Variants in TNNT2 observed in about 807,000 individuals in gnomAD.
TNNT2 encodes the protein troponin T, cardiac muscle.
Under a neutral mutation model 62.4 loss-of-function variants are expected in TNNT2, and 34 were observed. The observed-to-expected ratio is 0.54, with a 90% CI of 0.41 to 0.72. The LOEUF (loss-of-function observed/expected upper bound fraction) is 0.72, where lower values mean the gene tolerates loss of function less well. Among genes scored for constraint, TNNT2 ranks in the 30% least tolerant of loss-of-function variants. TNNT2 has a pLI of 0.00. For missense variants in TNNT2, 275 were observed against 381.9 expected, an observed-to-expected ratio of 0.72 and a Z score of 2.33; for synonymous variants, 123 against 127.2, an observed-to-expected ratio of 0.97 and a Z score of 0.22.
At chr1:201,373,325 A>G in intron 1 of TNNT2, 57 bp from the exon 2 acceptor site, 1 of 1,494,462 alleles carries the variant, frequency 6.7e-7, no homozygotes, top group Non-Finnish European at 9.3e-7. Flanking sequence ...CTTCCTCAGA[A>G]GAGCTCTGGC....
intron 4 of TNNT2, among the ~76,000 whole-genome samples, chr1:201,371,506 T>C (rs1375155034): frequency 1.3e-5 from 2 of 152,260 alleles, no homozygotes; most frequent in South Asian, 2.1e-4. Flanking sequence ...CATGGCATTG[T>C]GGTTATGGTT....
At chr1:201,367,019 A>G (rs1659785812) in intron 7 of TNNT2, 148 bp from the exon 8 acceptor site, 1 of 1,345,194 alleles carries the variant, frequency 7.4e-7, no homozygotes, top group South Asian at 1.2e-5. Flanking sequence ...TGATTCCAGA[A>G]GCATCCAGGA....
At chr1:201,368,136 C>T in intron 6 of TNNT2, 26 bp downstream of exon 6, 1 of 1,613,158 alleles carries the variant, frequency 6.2e-7, no homozygotes, top group Middle Eastern at 1.7e-4. Flanking sequence ...CCCCTGAGGC[C>T]CCTGCACCCT....
chr1:201,359,761 G>A (rs1658260618), intron 15 of TNNT2, 98 bp from the exon 16 acceptor site: 1 of 1,033,928 alleles, frequency 9.7e-7, no homozygotes, highest in South Asian at 1.4e-5. Flanking sequence ...GAGTGCAGCA[G>A]TGCAGGAGGA....
Position 201,368,708 on chromosome 1 carries a change from T to A in TNNT2, c.98-481A>T, listed in dbSNP as rs3820431. Among the ~76,000 whole-genome samples, 72 of 152,358 alleles carry A rather than the reference T, an allele frequency of 4.7e-4. No individual in the cohort carries two copies. The East Asian group carries it at 0.011, about 22-fold the overall frequency. Reference sequence around the variant, plus strand: ...ATTTTTCTATTTTCATCTATTTGTTTGGCAGGATGTGGCCCCCATCTCACT... The same window carrying A: ...ATTTTTCTATTTTCATCTATTTGTTAGGCAGGATGTGGCCCCCATCTCACT... On this transcript the variant is annotated intron_variant, in intron 5 of 16. Transcript: ENST00000656932.
At chr1:201,374,442 A>T (rs1445163064) in intron 1 of TNNT2, 1 of 152,234 alleles carries the variant, frequency 6.6e-6, no homozygotes. Flanking sequence ...AAGTGTACAC[A>T]TCCTGGCTAC....
intron 5 of TNNT2, chr1:201,368,561 C>A: frequency 2.1e-6 from 1 of 466,166 alleles, no homozygotes. Flanking sequence ...AAGCTCCTGT[C>A]CTGAACCTAG....
At chr1:201,360,947 G>A (rs1039615190) in intron 15 of TNNT2, 53 of 402,698 alleles carry the variant, frequency 1.3e-4, no homozygotes, top group Non-Finnish European at 2.3e-4. Context: ...CCCTTCCACT[G>A]GGGGTCCTGG....
Position 201,365,197 on chromosome 1 carries a change from G to A in TNNT2, c.405C>T (p.Asp135=), listed in dbSNP as rs1161852405. 13 of 1,613,398 alleles carry A rather than the reference G, an allele frequency of 8.1e-6. No individual in the cohort carries two copies. In the African/African-American group the frequency reaches 1.2e-4, roughly 15 times the overall value. Residue 135 remains aspartate, a synonymous_variant, in exon 10 of 17, where the codon GAC becomes GAT. Coordinates refer to ENST00000656932, the MANE Select transcript of TNNT2 (RefSeq NM_001276345.2). ...GGGCAGACTGGACACCTACGATCCT[G>A]TCTTTGAGAGAAACGAGCTCCTCCT... is the stretch of plus-strand genomic sequence containing the variant. ...KEEEELVSLK[D]RIERRRAERA...
At chr1:201,377,021 CG>C (rs1460541106) in intron 1 of TNNT2, among the ~76,000 whole-genome samples, 3 of 152,200 alleles carry the variant, frequency 2.0e-5, no homozygotes, top group Non-Finnish European at 4.4e-5. Flanking sequence ...ATGGAATTCC[CG>C]CGTTGGCCTG....
rs144258065 is a variant in TNNT2 at position 201,360,924 on chromosome 1, G to A, written c.810+355C>T. The A allele has an allele frequency of 9.4e-4, 358 of 380,988 alleles. 2 individuals are homozygous for A. The highest frequency in any genetic ancestry group is 7.0e-3 in the African/African-American group (336 of 48,086). 23.6% of individuals were successfully genotyped at this position (380,988 alleles called of 1,614,324 possible). A position where few individuals can be genotyped will look rare whatever the true frequency, so the allele number is the denominator to read the frequency against. On this transcript the variant is annotated intron_variant, in intron 15 of 16. Coordinates refer to ENST00000656932, the MANE Select transcript of TNNT2 (RefSeq NM_001276345.2). ...TGTATGTGGGGAGAAGCACCTCTCTGTTGGCAGCACTCCCCTTCCACTGGG... is the reference window on the plus strand; with the variant it reads ...TGTATGTGGGGAGAAGCACCTCTCTATTGGCAGCACTCCCCTTCCACTGGG...
At chr1:201,369,782 G>T (rs1316045172) in intron 5 of TNNT2, 34 bp downstream of exon 5, 6 of 1,614,042 alleles carry the variant, frequency 3.7e-6, no homozygotes, top group Non-Finnish European at 5.1e-6. Flanking sequence ...ACAGCAGGCA[G>T]CAGAAAGCAC....
At chr1:201,365,121 G>A in intron 10 of TNNT2, 70 bp downstream of exon 10, 4 of 1,323,448 alleles carry the variant, frequency 3.0e-6, no homozygotes, top group South Asian at 1.2e-5. Context: ...GAGGAGGTGG[G>A]GCCTCACAAA....
intron 5 of TNNT2, 30 bp from the exon 6 acceptor site, chr1:201,368,257 A>C: frequency 6.2e-7 from 1 of 1,612,056 alleles, no homozygotes; most frequent in Non-Finnish European, 8.5e-7. Context: ...AGAGTGAAGA[A>C]GCAGGCCCCA....
In TNNT2 at chr1:201,366,485, C is replaced by T. The variant is rs1659688065; in HGVS notation, c.233+353G>A. ...TGGCACGGTTTCATTGTTTGGCTCC[C>T]CACAATTTGCTTCCCTTAATCCCAA... On this transcript the variant is annotated intron_variant, in intron 8 of 16. Coordinates refer to ENST00000656932, the MANE Select transcript of TNNT2 (RefSeq NM_001276345.2). 2.0e-5 allele frequency: 24 copies of T among 1,179,912 alleles called. No individual in the cohort carries two copies. In the South Asian group the frequency reaches 4.7e-4, roughly 23 times the overall value. The allele number at this position is 1,179,912 out of a possible 1,614,324, so 73.1% of individuals were successfully genotyped here. A position where few individuals can be genotyped will look rare whatever the true frequency, so the allele number is the denominator to read the frequency against.
chr1:201,366,746 G>C, intron 8 of TNNT2, 92 bp downstream of exon 8: 1 of 1,610,642 alleles, frequency 6.2e-7, no homozygotes, highest in Non-Finnish European at 8.5e-7. Flanking sequence ...CCCCCAGCCC[G>C]TGTCCACTGC....
At chr1:201,364,396 C>T (rs1330157442) in intron 10 of TNNT2, 21 bp from the exon 11 acceptor site, 17 of 1,610,402 alleles carry the variant, frequency 1.1e-5, no homozygotes, top group Non-Finnish European at 1.4e-5. Context: ...GAGGCAAAGC[C>T]CACCCAGGTG....
At chr1:201,367,437 C>T (rs1009045095) in intron 7 of TNNT2, 12 of 495,834 alleles carry the variant, frequency 2.4e-5, no homozygotes, top group South Asian at 7.0e-5. Flanking sequence ...TTTCATCCTA[C>T]GGACACCACA....
intron 5 of TNNT2, chr1:201,368,498 C>T (rs1660092662): frequency 1.4e-5 from 8 of 556,402 alleles, no homozygotes; most frequent in South Asian, 9.2e-5. Flanking sequence ...CCCAGAAGTT[C>T]CACCCCGTGT....
Sources: allele counts gnomAD v4.1 joint callset (sites outside exome capture counted in the v4.1 genomes callset), GRCh38; gene constraint gnomAD v4.1.1; transcripts MANE v1.5; gene names NCBI Gene and HGNC (gene_info 2026-07-23, HGNC 2026-07-21).